Variants in DAAM2 observed in about 807,000 individuals in gnomAD.
DAAM2 encodes the protein disheveled-associated activator of morphogenesis 2.
In DAAM2, 39 loss-of-function variants were observed where a neutral mutation model predicts 120.7. That is an observed-to-expected ratio of 0.32 (90% CI 0.25 to 0.42). The LOEUF (loss-of-function observed/expected upper bound fraction) is 0.42. Ranked by LOEUF, DAAM2 falls within the 10% of genes least tolerant of loss-of-function variation. The probability of loss-of-function intolerance (pLI) is 1.00; values close to 1 mark genes in which losing one functional copy is unlikely to be tolerated. For synonymous variants in DAAM2, 488 were observed against 524.9 expected (o/e 0.93, Z 0.96); for missense variants, 1,283 against 1,401.7 (o/e 0.92, Z 1.35).
chr6:39,838,219 C>A lies in DAAM2; in HGVS notation c.-56-18028C>A, dbSNP rs192727144. 2.0e-5 allele frequency among the ~76,000 whole-genome samples: 3 copies of A among 152,320 alleles called. No homozygotes were observed. In the East Asian group the frequency reaches 5.8e-4, roughly 29 times the overall value. Reference sequence around the variant, plus strand: ...ATGTCTTCATTTGTCAACTAGAGATCACAGTAATAATGACCTCACATTTTT... The same window carrying A: ...ATGTCTTCATTTGTCAACTAGAGATAACAGTAATAATGACCTCACATTTTT... On this transcript the variant is annotated intron_variant, in intron 1 of 24. Coordinates refer to ENST00000274867, the MANE Select transcript of DAAM2 (RefSeq NM_001201427.2).
chr6:39,855,298 A>G (rs933780239), intron 1 of DAAM2, among the ~76,000 whole-genome samples: 3 of 152,164 alleles, frequency 2.0e-5, no homozygotes, highest in Admixed American at 1.3e-4. Context: ...CACCAATGAC[A>G]GGGGTAGCGT....
rs1764003384 is a variant in DAAM2, at chr6:39,856,374, A to C, written c.72A>C (p.Glu24Asp). 6.4e-7 allele frequency: 1 copy of C among 1,554,786 alleles called. No individual in the cohort carries two copies. Among genetic ancestry groups the C allele is most frequent in the Non-Finnish European group, 8.7e-7 (1 of 1,150,080 alleles). The change falls in exon 2 of 25, where the codon GAA becomes GAC. Residue 24 changes from glutamate to aspartate, a missense_variant. Physicochemically the swap from Glu to Asp is conservative, Grantham distance 45 (BLOSUM62 2). Around this residue, in one of 3 missense-constraint regions of DAAM2, gnomAD observed 197 missense variants for 189.3 expected, o/e 1.04. Transcript: ENST00000274867. ...GCTTCGGGGGCAGTGACATCCCCGA[A>C]ATCAACCTCCGGGACAACCACCCTC... ...LCCFGGSDIP[E>D]INLRDNHPLQ...
chr6:39,887,548 C>T lies in DAAM2; in HGVS notation c.2016C>T (p.Val672=). The change falls in exon 16 of 25, where the codon GTC becomes GTT. Residue 672 remains valine, a synonymous_variant. Coordinates refer to ENST00000274867, the MANE Select transcript of DAAM2 (RefSeq NM_001201427.2). ...CCCGCAAGGTCAAAGAGCTGTCGGT[C>T]ATTGATGGCCGGAGGGCCCAAAACT... The part of the protein sequence containing the change: ...LASRKVKELS[V]IDGRRAQNCI... 1.2e-6 allele frequency: 2 copies of T among 1,613,788 alleles called. No homozygotes were observed. The highest frequency in any genetic ancestry group is 1.7e-6 in the Non-Finnish European group (2 of 1,179,820).
At chr6:39,875,285 G>A in intron 10 of DAAM2, 45 bp from the exon 11 acceptor site, 1 of 1,592,548 alleles carries the variant, frequency 6.3e-7, no homozygotes, top group Non-Finnish European at 8.6e-7. Context: ...GGGCCCAAGG[G>A]GGACTTCAGG....
intron 1 of DAAM2, chr6:39,819,855 C>T (rs1244471510): frequency 1.3e-5 from 2 of 152,194 alleles, no homozygotes; most frequent in South Asian, 2.1e-4. Context: ...GCATGAATCC[C>T]GTTCAGGGGA....
rs1163887224 is a variant in DAAM2, at chr6:39,870,368, G to A, written c.902G>A (p.Arg301Gln). The A allele has an allele frequency of 7.0e-6, 11 of 1,582,156 alleles. No individual in the cohort carries two copies. The highest frequency in any genetic ancestry group is 9.5e-6 in the Non-Finnish European group (11 of 1,162,804). The change falls in exon 8 of 25, where the codon CGG becomes CAG. Residue 301 changes from arginine (R) to glutamine (Q), a missense_variant. Physicochemically the swap from Arg to Gln is conservative, Grantham distance 43 (BLOSUM62 1). Around this residue, in one of 3 missense-constraint regions of DAAM2, gnomAD observed 338 missense variants for 443.9 expected, o/e 0.76. Transcript: ENST00000274867. ...EDNLEFRLHLRYEFLMLGIQP... is the reference protein window; with the variant it reads ...EDNLEFRLHLQYEFLMLGIQP... ...AATCTGGAGTTCCGCCTACATCTAC[G>A]GTATGAATTCCTGATGCTGGGTATA... is the stretch of plus-strand genomic sequence containing the variant.
intron 1 of DAAM2, among the ~76,000 whole-genome samples, chr6:39,832,894 C>A (rs960200645): frequency 1.3e-5 from 2 of 152,140 alleles, no homozygotes; most frequent in East Asian, 3.9e-4. Flanking sequence ...AAGCTTAGGT[C>A]TTCCTCAGGC....
In DAAM2 at chr6:39,867,702, C is replaced by T; in HGVS notation, c.621C>T (p.Ser207=). ...AGGCCATTAGTACCATAGCCCAGAG[C>T]CTACGCACAGAGAACAGCAAGACCA... ...QPEAISTIAQ[S]LRTENSKTKV... Residue 207 remains serine (S), a synonymous_variant, in exon 6 of 25, where the codon AGC becomes AGT. Transcript: ENST00000274867. 1 of 1,614,058 alleles carries T rather than the reference C, an allele frequency of 6.2e-7. No individual in the cohort carries two copies. The highest frequency in any genetic ancestry group is 8.5e-7 in the Non-Finnish European group (1 of 1,179,902).
At position 39,884,042 on chromosome 6, in the gene DAAM2, G is replaced by A. The variant is rs3003929; in HGVS notation, c.1926G>A (p.Lys642=). Reference sequence around the variant, plus strand: ...TCCTGGACCTAGAGGATTTTGAAAAGATGTTTTCAGCCTACCAGAGGCACC... The same window carrying A: ...TCCTGGACCTAGAGGATTTTGAAAAAATGTTTTCAGCCTACCAGAGGCACC... The part of the protein sequence containing the change: ...FRILDLEDFE[K]MFSAYQRHQK... The change falls in exon 15 of 25, where the codon AAG becomes AAA. Residue 642 remains lysine, a synonymous_variant. Coordinates refer to ENST00000274867, the MANE Select transcript of DAAM2 (RefSeq NM_001201427.2). 0.57 allele frequency: 918,381 copies of A among 1,607,340 alleles called. 265,224 individuals carry two copies. Among genetic ancestry groups the A allele is most frequent in the East Asian group, 0.75 (33,501 of 44,770 alleles).
chr6:39,845,284 A>G lies in DAAM2; in HGVS notation c.-56-10963A>G, dbSNP rs533946561. Among the ~76,000 whole-genome samples the G allele has an allele frequency of 2.2e-3, 59 of 26,828 alleles. No homozygotes were observed. In the South Asian group the frequency reaches 0.054, roughly 24 times the overall value. 17.6% of individuals were successfully genotyped at this position (26,828 alleles called of 152,430 possible). Reference sequence around the variant, plus strand: ...TACACACCACACATACACAAACCCCATCTATACACACATCACACAGATACC... The same window carrying G: ...TACACACCACACATACACAAACCCCGTCTATACACACATCACACAGATACC... On this transcript the variant is annotated intron_variant, in intron 1 of 24. Coordinates refer to ENST00000274867, the MANE Select transcript of DAAM2 (RefSeq NM_001201427.2).
chr6:39,836,887 C>A (rs1763122862), intron 1 of DAAM2, among the ~76,000 whole-genome samples: 1 of 152,204 alleles, frequency 6.6e-6, no homozygotes, highest in African/African-American at 2.4e-5. Context: ...AAAATAGGAA[C>A]AATTCCAGCT....
At chr6:39,838,895 G>T (rs943117290) in intron 1 of DAAM2, among the ~76,000 whole-genome samples, 1 of 151,976 alleles carries the variant, frequency 6.6e-6, no homozygotes, top group Non-Finnish European at 1.5e-5. Flanking sequence ...CTGACCGCAA[G>T]TGACCCACCC....
rs187371765 is a variant in DAAM2, at chr6:39,886,992, G to C, written c.1954-494G>C. 2.9e-3 allele frequency: 444 copies of C among 154,796 alleles called. 2 individuals carry two copies. Among genetic ancestry groups the C allele is most frequent in the Non-Finnish European group, 4.7e-3 (331 of 69,988 alleles). The allele number at this position is 154,796 out of a possible 1,614,324, so 9.6% of individuals were successfully genotyped here. A position where few individuals can be genotyped will look rare whatever the true frequency, so the allele number is the denominator to read the frequency against. On this transcript the variant is annotated intron_variant, in intron 15 of 24. Coordinates refer to ENST00000274867, the MANE Select transcript of DAAM2 (RefSeq NM_001201427.2). ...GGATGCTCTCTACCCTGGGCATCTT[G>C]GGCTGTGCCTGAAGTCCCTAGGAGT...
At chr6:39,830,813 C>T (rs749492231) in intron 1 of DAAM2, among the ~76,000 whole-genome samples, 1 of 152,202 alleles carries the variant, frequency 6.6e-6, no homozygotes, top group Non-Finnish European at 1.5e-5. Context: ...GACATTTAGC[C>T]TCCACCTGGA....
At chr6:39,839,101 G>GT (rs1183955964) in intron 1 of DAAM2, among the ~76,000 whole-genome samples, 34 of 150,708 alleles carry the variant, frequency 2.3e-4, no homozygotes, top group Non-Finnish European at 3.4e-4. Context: ...TTTTTTTTTT[G>GT]TTTTTTTGTT....
chr6:39,862,303 C>T (rs1168300822), intron 3 of DAAM2: 1 of 152,040 alleles, frequency 6.6e-6, no homozygotes. Context: ...TTATTAAGCA[C>T]CTGCAGAATA....
At chr6:39,884,140 C>A in intron 15 of DAAM2, 71 bp downstream of exon 15, 1 of 777,100 alleles carries the variant, frequency 1.3e-6, no homozygotes, top group South Asian at 1.6e-5. Flanking sequence ...CCTTTTCTTT[C>A]TGCCTGCCTG....
rs767850442 is a variant in DAAM2, at chr6:39,878,638, C to CA, written c.1545+51dup. On this transcript the variant is annotated intron_variant, in intron 13 of 24. Coordinates refer to ENST00000274867, the MANE Select transcript of DAAM2 (RefSeq NM_001201427.2). The surrounding 1 kb of genome is among the most constrained non-coding windows in gnomAD (Gnocchi z 5.0). ...ATAGTTGAGCCAAGACCCTGGGCTT[C>CA]AGGACTGGGTGGGCAGAGCAGGTGT... 2.9e-5 allele frequency: 45 copies of CA among 1,536,900 alleles called. No homozygotes were observed. The highest frequency in any genetic ancestry group is 4.0e-5 in the Non-Finnish European group (45 of 1,136,556).
intron 1 of DAAM2, among the ~76,000 whole-genome samples, chr6:39,830,728 G>C (rs1012063286): frequency 2.0e-5 from 3 of 152,166 alleles, no homozygotes; most frequent in East Asian, 1.9e-4. Context: ...GCAGCAGGAG[G>C]GGGTGGCGAG....
Sources: allele counts gnomAD v4.1 joint callset (sites outside exome capture counted in the v4.1 genomes callset), GRCh38; gene constraint gnomAD v4.1.1; regional missense constraint gnomAD v4.1.1; non-coding constraint Gnocchi (gnomAD v3.1); transcripts MANE v1.5; gene names NCBI Gene and HGNC (gene_info 2026-07-23, HGNC 2026-07-21).